AMOTL1: variants seen among roughly 807,000 people sequenced by gnomAD.
The protein encoded by AMOTL1 is angiomotin like 1.
A neutral mutation model predicts 102.9 loss-of-function variants in AMOTL1; 45 were observed. The ratio of observed to expected loss-of-function variants is 0.44; its 90% CI spans 0.34 to 0.56. The LOEUF (loss-of-function observed/expected upper bound fraction) is 0.56. AMOTL1 is among the 20% of genes least tolerant of loss of function. The pLI is 0.01. For synonymous variants in AMOTL1, 481 were observed against 484.7 expected, an observed-to-expected ratio of 0.99 and a Z score of 0.10; for missense variants, 1,114 against 1,225.6, an observed-to-expected ratio of 0.91 and a Z score of 1.36.
chr11:94,740,840 C>G, intron 2 of AMOTL1: 1 of 1,021,936 alleles, frequency 9.8e-7, no homozygotes, highest in Non-Finnish European at 1.3e-6. Flanking sequence ...GAGAGAAGCC[C>G]GCGCTTTTCC....
At chr11:94,813,049 C>T (rs115945223) in intron 3 of AMOTL1, among the ~76,000 whole-genome samples, 2 of 152,330 alleles carry the variant, frequency 1.3e-5, no homozygotes, top group African/African-American at 2.4e-5. Context: ...CCCCATTCTC[C>T]GCAGGAGGTC....
At chr11:94,743,690 G>A (rs549896967) in intron 3 of AMOTL1, among the ~76,000 whole-genome samples, 2 of 114,728 alleles carry the variant, frequency 1.7e-5, no homozygotes, top group Non-Finnish European at 3.2e-5. Flanking sequence ...ACGGTGTCTC[G>A]CTCTGTCGCC....
chr11:94,783,514 AG>A (rs1951139875), intron 1 of AMOTL1, among the ~76,000 whole-genome samples: 1 of 152,168 alleles, frequency 6.6e-6, no homozygotes, highest in Non-Finnish European at 1.5e-5. Context: ...TTCTAGACCT[AG>A]GGAGAAGTTC....
chr11:94,716,477 AT>A (rs1449407573), intron 1 of AMOTL1, among the ~76,000 whole-genome samples: 1 of 152,000 alleles, frequency 6.6e-6, no homozygotes, highest in Non-Finnish European at 1.5e-5. Context: ...TAGATCTTTT[AT>A]TTTTAGTAAG....
intron 3 of AMOTL1, among the ~76,000 whole-genome samples, chr11:94,802,883 A>T (rs890285222): frequency 2.6e-5 from 4 of 152,236 alleles, no homozygotes; most frequent in African/African-American, 9.6e-5. Flanking sequence ...CTTGCCTGTG[A>T]CCCAGAAGAC....
intron 1 of AMOTL1, among the ~76,000 whole-genome samples, chr11:94,717,668 A>G (rs186908161): frequency 6.6e-6 from 1 of 152,138 alleles, no homozygotes; most frequent in Admixed American, 6.5e-5. Flanking sequence ...CTCCAAACTC[A>G]GATGCTATAC....
intron 1 of AMOTL1, among the ~76,000 whole-genome samples, chr11:94,718,812 T>A (rs1329411250): frequency 2.0e-5 from 3 of 151,968 alleles, no homozygotes; most frequent in African/African-American, 7.2e-5. Context: ...GTATACGTTA[T>A]AAATTTTACC....
At chr11:94,864,173 A>G (rs1952830186) in intron 9 of AMOTL1, among the ~76,000 whole-genome samples, 1 of 152,148 alleles carries the variant, frequency 6.6e-6, no homozygotes, top group Admixed American at 6.5e-5. Flanking sequence ...AAACAGAAAT[A>G]AAACCTAAAC....
intron 1 of AMOTL1, among the ~76,000 whole-genome samples, chr11:94,787,687 CAAAAAAAAAAAAAAAAAAAAA>C (rs59563004): frequency 5.2e-5 from 3 of 57,528 alleles, no homozygotes; most frequent in South Asian, 1.3e-3. Context: ...AACTCCGTCT[CAAAAAAAAAAAAAAAAAAAAA>C]AAAAAAAAAA....
intron 1 of AMOTL1, among the ~76,000 whole-genome samples, chr11:94,710,605 T>G (rs558006252): frequency 1.3e-5 from 2 of 152,212 alleles, no homozygotes; most frequent in Admixed American, 6.5e-5. Context: ...TAATGATACT[T>G]TGTTGCAAGT....
At chr11:94,846,060 A>G (rs528368777) in intron 6 of AMOTL1, among the ~76,000 whole-genome samples, 7 of 152,150 alleles carry the variant, frequency 4.6e-5, no homozygotes, top group Admixed American at 3.3e-4. Context: ...CTCCCGAAGG[A>G]TGACTTCTTT....
intron 6 of AMOTL1, among the ~76,000 whole-genome samples, chr11:94,846,426 TG>T (rs1191190077): frequency 6.6e-6 from 1 of 152,220 alleles, no homozygotes; most frequent in Admixed American, 6.5e-5. Context: ...TAGGTACTAT[TG>T]TGATGCTTAC....
intron 3 of AMOTL1, chr11:94,820,490 C>T (rs1043601649): frequency 6.6e-6 from 1 of 152,296 alleles, no homozygotes; most frequent in Non-Finnish European, 1.5e-5. Context: ...TAATTCCTAC[C>T]TCAGGCCCTG....
At chr11:94,836,690 AACT>A (rs1344363038) in intron 6 of AMOTL1, among the ~76,000 whole-genome samples, 1 of 152,118 alleles carries the variant, frequency 6.6e-6, no homozygotes, top group Non-Finnish European at 1.5e-5. Context: ...AAAATTATTA[AACT>A]ACTATCAGAA....
At chr11:94,727,530 G>A (rs746746367) in intron 1 of AMOTL1, among the ~76,000 whole-genome samples, 59 of 152,268 alleles carry the variant, frequency 3.9e-4, no homozygotes, top group Admixed American at 8.5e-4. Flanking sequence ...CCACTGACAT[G>A]GGTGGATAGG....
intron 1 of AMOTL1, among the ~76,000 whole-genome samples, chr11:94,780,089 A>C (rs1951087288): frequency 2.0e-5 from 3 of 152,222 alleles, no homozygotes; most frequent in Admixed American, 2.0e-4. Flanking sequence ...ATCAGAGATG[A>C]AATGAAAGAA....
At chr11:94,749,302 G>A (rs1169127069) in intron 3 of AMOTL1, among the ~76,000 whole-genome samples, 1 of 152,206 alleles carries the variant, frequency 6.6e-6, no homozygotes, top group African/African-American at 2.4e-5. Flanking sequence ...CAGAAGAAGA[G>A]CGTCCCAGCT....
At chr11:94,802,345 T>C (rs113581298) in intron 3 of AMOTL1, among the ~76,000 whole-genome samples, 2 of 152,236 alleles carry the variant, frequency 1.3e-5, no homozygotes, top group Non-Finnish European at 2.9e-5. Context: ...CCCTTTTCCC[T>C]GATAACTTAA....
intron 3 of AMOTL1, among the ~76,000 whole-genome samples, chr11:94,752,759 G>C (rs1950672651): frequency 6.6e-6 from 1 of 152,112 alleles, no homozygotes; most frequent in Non-Finnish European, 1.5e-5. Flanking sequence ...GGAAACTTTA[G>C]GTTCTTAAGA....
Sources: gnomAD v4.1 joint callset for allele counts (sites outside exome capture counted in the v4.1 genomes callset) on GRCh38, gnomAD v4.1.1 for gene constraint, MANE v1.5 for transcripts, NCBI Gene and HGNC (gene_info 2026-07-23, HGNC 2026-07-21) for gene names.